The following COMMD5 variants were observed in gnomAD, a reference collection of about 807,000 sequenced individuals.
COMMD5 encodes COMM domain containing 5, also known as COMM domain-containing protein 5.
A neutral mutation model predicts 6.9 loss-of-function variants in COMMD5; 10 were observed. The ratio of observed to expected loss-of-function variants is 1.44; its 90% CI spans 0.89 to 2.45. COMMD5 has a LOEUF of 2.45. Ranked by LOEUF, COMMD5 falls within the 30% of genes most tolerant of loss-of-function variation. The pLI, the probability that COMMD5 is intolerant of heterozygous loss-of-function variation, is 0.00. For synonymous variants in COMMD5, 127 were observed against 125.3 expected, an observed-to-expected ratio of 1.01 and a Z score of -0.09; for missense variants, 234 against 287.8, an observed-to-expected ratio of 0.81 and a Z score of 1.35.
intron 1 of COMMD5, among the ~76,000 whole-genome samples, chr8:144,844,214 G>A (rs1830348827): frequency 6.6e-6 from 1 of 152,276 alleles, no homozygotes; most frequent in Admixed American, 6.5e-5. Flanking sequence ...AAACAATGTA[G>A]AGAAACATGC....
downstream of COMMD5, chr8:144,846,156 C>T (rs554936334): frequency 2.4e-5 from 37 of 1,536,172 alleles, no homozygotes; most frequent in South Asian, 7.1e-5. Context: ...AGGAGGGGAA[C>T]GTCAGCCATA....
In COMMD5 at chr8:144,851,046, CGGAG is replaced by C; in HGVS notation, c.289_292del (p.Leu97ValfsTer7). 1 of 1,612,476 alleles carries C rather than the reference CGGAG, an allele frequency of 6.2e-7. No homozygotes were observed. The highest frequency in any genetic ancestry group is 1.1e-5 in the South Asian group (1 of 91,014). The stretch of plus-strand genomic sequence containing the variant: ...AGGCTTCAGGCTGGTGGGGGGCAGA[CGGAG>C]GGCCTGCTGGAGCAGTGTGTGCATG... On this transcript the variant is annotated frameshift_variant, in exon 2 of 2. Transcript: ENST00000305103. LOFTEE classifies it high-confidence loss of function.
downstream of COMMD5, chr8:144,846,773 A>G (rs2722481): frequency 0.016 from 2,406 of 152,248 alleles, 192 homozygotes; most frequent in East Asian, 0.23. Context: ...GTCTCGGCTC[A>G]CTGCAAGCTC....
chr8:144,848,451 C>T (rs756080732), downstream of COMMD5, among the ~76,000 whole-genome samples: 2 of 151,246 alleles, frequency 1.3e-5, no homozygotes, highest in African/African-American at 2.4e-5. Flanking sequence ...GAGTCGAGAT[C>T]GTGCCACTGC....
chr8:144,841,447 C>G, exon 2 of COMMD5: 2 of 1,614,236 alleles, frequency 1.2e-6, no homozygotes, highest in Admixed American at 3.3e-5. Flanking sequence ...AATCTCCCCA[C>G]AGGACTTTCC....
At chr8:144,846,045 T>G (rs976053550), downstream of COMMD5, 2 of 1,536,502 alleles carry the variant, frequency 1.3e-6, no homozygotes, top group African/African-American at 2.7e-5. Context: ...GCAACTCCTG[T>G]TCCTGGCCTT....
At chr8:144,847,974 G>A (rs768083452), downstream of COMMD5, among the ~76,000 whole-genome samples, 26 of 152,176 alleles carry the variant, frequency 1.7e-4, no homozygotes, top group Non-Finnish European at 3.5e-4. Flanking sequence ...GGTCCAGTGG[G>A]CTCATGGGGT....
intron 1 of COMMD5, chr8:144,842,002 A>G (rs755392221): frequency 6.2e-7 from 1 of 1,614,226 alleles, no homozygotes; most frequent in East Asian, 2.2e-5. Context: ...GCATCAAAGA[A>G]TCCACACTGG....
At chr8:144,838,023 A>G (rs913113634), downstream of COMMD5, 2 of 698,678 alleles carry the variant, frequency 2.9e-6, no homozygotes, top group Non-Finnish European at 5.2e-6. Context: ...GAGGCCGGAA[A>G]TCTGAAACCG....
At position 144,850,517 on chromosome 8, in the gene COMMD5, G is replaced by T; in HGVS notation, c.*147C>A. The T allele has an allele frequency of 1.1e-6, 1 of 873,432 alleles. No individual in the cohort carries two copies. Among genetic ancestry groups the T allele is most frequent in the Non-Finnish European group, 1.7e-6 (1 of 585,862 alleles). 54.1% of individuals were successfully genotyped at this position (873,432 alleles called of 1,614,324 possible). On this transcript the variant is annotated 3_prime_UTR_variant, in exon 2 of 2. Transcript: ENST00000305103. This position sits in a 1 kb window ranked among gnomAD's most constrained non-coding sequence, Gnocchi z 4.0. ...CATAGCTCTCTTTTTCAATTAAACAGAAAACTACATAATTACGTTCAAACA... is the reference window on the plus strand; with the variant it reads ...CATAGCTCTCTTTTTCAATTAAACATAAAACTACATAATTACGTTCAAACA...
At chr8:144,847,779 T>C (rs948106510), downstream of COMMD5, among the ~76,000 whole-genome samples, 1 of 152,146 alleles carries the variant, frequency 6.6e-6, no homozygotes, top group Admixed American at 6.5e-5. Flanking sequence ...ACCAGCAAGT[T>C]TCCACAGAGA....
downstream of COMMD5, among the ~76,000 whole-genome samples, chr8:144,848,793 C>G (rs1830619341): frequency 1.3e-5 from 2 of 152,180 alleles, no homozygotes; most frequent in African/African-American, 4.8e-5. Flanking sequence ...CTGTGTGTGG[C>G]CTTGAGGCCA....
At chr8:144,847,064 G>C (rs2130763718), downstream of COMMD5, 1 of 152,368 alleles carries the variant, frequency 6.6e-6, no homozygotes, top group South Asian at 2.1e-4. Flanking sequence ...GCAGCTTGCT[G>C]AGAGCCAAGG....
chr8:144,850,551 A>C lies in COMMD5; in HGVS notation c.*113T>G. 9.0e-7 allele frequency: 1 copy of C among 1,107,886 alleles called. No individual in the cohort carries two copies. 68.6% of individuals were successfully genotyped at this position (1,107,886 alleles called of 1,614,324 possible). ...ATAATTACGTTCAAACACTCACTGAAGAGCCTGCCTCATGGGAAGGGCAGG... is the reference window on the plus strand; with the variant it reads ...ATAATTACGTTCAAACACTCACTGACGAGCCTGCCTCATGGGAAGGGCAGG... On this transcript the variant is annotated 3_prime_UTR_variant, in exon 2 of 2. Transcript: ENST00000305103. The surrounding 1 kb of genome is among the most constrained non-coding windows in gnomAD (Gnocchi z 4.0).
intron 1 of COMMD5, chr8:144,841,918 A>G (rs1479721391): frequency 1.2e-6 from 2 of 1,614,072 alleles, no homozygotes; most frequent in Non-Finnish European, 1.7e-6. Flanking sequence ...GCATCAGAGA[A>G]TCCACACGGG....
intron 1 of COMMD5, chr8:144,842,595 C>T (rs1830086948): frequency 6.2e-7 from 1 of 1,614,204 alleles, no homozygotes; most frequent in Non-Finnish European, 8.5e-7. Context: ...GAGAGAAACC[C>T]TATGTGTGTA....
downstream of COMMD5, chr8:144,846,150 G>A (rs1293487535): frequency 4.6e-6 from 7 of 1,536,226 alleles, no homozygotes; most frequent in Non-Finnish European, 6.1e-6. Flanking sequence ...GACAGAAGGA[G>A]GGGAACGTCA....
downstream of COMMD5, chr8:144,845,870 G>C (rs1273574499): frequency 9.1e-7 from 1 of 1,094,030 alleles, no homozygotes; most frequent in Non-Finnish European, 1.3e-6. Flanking sequence ...CAGTGTCCCT[G>C]CCTTGCGTCA....
downstream of COMMD5, among the ~76,000 whole-genome samples, chr8:144,840,656 TG>T (rs1829770128): frequency 6.6e-6 from 1 of 152,112 alleles, no homozygotes; most frequent in Non-Finnish European, 1.5e-5. Flanking sequence ...CGCAGATGTC[TG>T]GAAGGCCTCC....
Sources: gnomAD v4.1 joint callset for allele counts (sites outside exome capture counted in the v4.1 genomes callset) on GRCh38, gnomAD v4.1.1 for gene constraint, Gnocchi (gnomAD v3.1) non-coding constraint, MANE v1.5 for transcripts, NCBI Gene and HGNC (gene_info 2026-07-23, HGNC 2026-07-21) for gene names.